Variants in CCDC148 observed in about 807,000 individuals in gnomAD.
The protein encoded by CCDC148 is coiled-coil domain-containing protein 148.
A neutral mutation model predicts 85.7 loss-of-function variants in CCDC148; 89 were observed. The ratio of observed to expected loss-of-function variants is 1.04; its 90% confidence interval spans 0.87 to 1.24. The LOEUF is 1.24. CCDC148 is among the 50% of genes most tolerant of loss of function. The pLI, the probability that CCDC148 is intolerant of heterozygous loss-of-function variation, is 0.00. For synonymous variants in CCDC148, 230 were observed against 213.9 expected (o/e 1.08, Z -0.66); for missense variants, 692 against 671.7 (o/e 1.03, Z -0.33).
intron 2 of CCDC148, among the ~76,000 whole-genome samples, chr2:158,351,519 G>C (rs1269531702): frequency 6.6e-6 from 1 of 151,968 alleles, no homozygotes; most frequent in Non-Finnish European, 1.5e-5. Flanking sequence ...TTTTCCGACC[G>C]GCTTAAAAAC....
chr2:158,413,407 C>G (rs539074947), intron 1 of CCDC148, among the ~76,000 whole-genome samples: 202 of 152,202 alleles, frequency 1.3e-3, no homozygotes, highest in Non-Finnish European at 2.2e-3. Flanking sequence ...GAGGAAATCT[C>G]TTTATAATTT....
chr2:158,284,977 A>G (rs1209333336), intron 9 of CCDC148, among the ~76,000 whole-genome samples: 1 of 152,216 alleles, frequency 6.6e-6, no homozygotes, highest in Non-Finnish European at 1.5e-5. Context: ...TCCAAAACTG[A>G]TAACTGATAT....
chr2:158,377,416 A>G (rs1370108727), intron 1 of CCDC148, among the ~76,000 whole-genome samples: 1 of 152,100 alleles, frequency 6.6e-6, no homozygotes, highest in Non-Finnish European at 1.5e-5. Context: ...TGAAATAGTC[A>G]TTAACATACG....
At chr2:158,354,387 A>G (rs1683505759) in intron 2 of CCDC148, among the ~76,000 whole-genome samples, 1 of 152,164 alleles carries the variant, frequency 6.6e-6, no homozygotes, top group African/African-American at 2.4e-5. Context: ...AAAAAATGAT[A>G]AAGGGGATCT....
Position 158,340,693 on chromosome 2 carries a change from T to A in CCDC148, c.252-13A>T. 7.1e-7 allele frequency: 1 copy of A among 1,417,344 alleles called. No homozygotes were observed. Among genetic ancestry groups the A allele is most frequent in the Non-Finnish European group, 9.8e-7 (1 of 1,022,390 alleles). The allele number at this position is 1,417,344 out of a possible 1,614,324, so 87.8% of individuals were successfully genotyped here. A position where few individuals can be genotyped will look rare whatever the true frequency, so the allele number is the denominator to read the frequency against. ...TTCCATTTTACATCTGAAATAGATG[T>A]GATCTCAATAAATGTTACAATCATA... is the stretch of plus-strand genomic sequence containing the variant. On this transcript the variant is annotated splice_polypyrimidine_tract_variant and intron_variant, in intron 3 of 13. Coordinates refer to ENST00000283233, the MANE Select transcript of CCDC148 (RefSeq NM_138803.4).
chr2:158,245,699 G>C (rs1521862), intron 10 of CCDC148, among the ~76,000 whole-genome samples: 148,706 of 152,256 alleles, frequency 0.98, 72,712 homozygotes, highest in East Asian at 1. Context: ...ATTTAAGCTA[G>C]ACAAAGAGCC....
chr2:158,223,022 C>T (rs3950976), intron 10 of CCDC148, among the ~76,000 whole-genome samples: 77,003 of 151,924 alleles, frequency 0.51, 20,047 homozygotes, highest in East Asian at 0.76. Context: ...CGTGAGGCAT[C>T]GCCTCACCTG....
intron 9 of CCDC148, among the ~76,000 whole-genome samples, chr2:158,268,311 TGTA>T (rs1241976141): frequency 6.6e-6 from 1 of 152,094 alleles, no homozygotes; most frequent in Non-Finnish European, 1.5e-5. Flanking sequence ...TCTTATAGGG[TGTA>T]GTAATATCTT....
intron 2 of CCDC148, among the ~76,000 whole-genome samples, chr2:158,354,700 A>C (rs2105261995): frequency 6.6e-6 from 1 of 152,082 alleles, no homozygotes; most frequent in African/African-American, 2.4e-5. Flanking sequence ...TCAATAGAGA[A>C]AGAGGGAATC....
chr2:158,334,475 C>T (rs60771539), intron 7 of CCDC148, among the ~76,000 whole-genome samples: 9 of 110,134 alleles, frequency 8.2e-5, no homozygotes, highest in Non-Finnish European at 1.5e-4. Context: ...AACTTCTCTG[C>T]GTAACAATTA....
chr2:158,401,822 T>C (rs1486057763), intron 1 of CCDC148, among the ~76,000 whole-genome samples: 1 of 151,834 alleles, frequency 6.6e-6, no homozygotes, highest in African/African-American at 2.4e-5. Context: ...CAAAGGAGAT[T>C]ACGGGGAGAA....
At chr2:158,352,189 G>T (rs12616126) in intron 2 of CCDC148, among the ~76,000 whole-genome samples, 1 of 149,310 alleles carries the variant, frequency 6.7e-6, no homozygotes, top group Non-Finnish European at 1.5e-5. Flanking sequence ...CCAAAGGAAC[G>T]CAGTTCCTCA....
chr2:158,405,505 C>T (rs1389973290), intron 1 of CCDC148, among the ~76,000 whole-genome samples: 1 of 152,070 alleles, frequency 6.6e-6, no homozygotes, highest in Non-Finnish European at 1.5e-5. Context: ...AGACACAAAT[C>T]ACATTTGATC....
chr2:158,305,998 C>T (rs1173685016), intron 9 of CCDC148, among the ~76,000 whole-genome samples: 1 of 152,022 alleles, frequency 6.6e-6, no homozygotes, highest in Non-Finnish European at 1.5e-5. Flanking sequence ...GTGAACAAAG[C>T]CAGACTCAAA....
At chr2:158,239,421 T>C (rs1688254490) in intron 10 of CCDC148, among the ~76,000 whole-genome samples, 2 of 152,096 alleles carry the variant, frequency 1.3e-5, no homozygotes, top group East Asian at 3.9e-4. Context: ...TTTTTATTTT[T>C]ACAAGACAGC....
At chr2:158,368,280 A>G (rs1210456673) in intron 1 of CCDC148, among the ~76,000 whole-genome samples, 1 of 152,160 alleles carries the variant, frequency 6.6e-6, no homozygotes, top group Non-Finnish European at 1.5e-5. Flanking sequence ...ATTTCTAAAA[A>G]TCTGAAAAAC....
chr2:158,305,755 TAAAA>T (rs56227304), intron 9 of CCDC148, among the ~76,000 whole-genome samples: 2 of 87,854 alleles, frequency 2.3e-5, no homozygotes, highest in Non-Finnish European at 4.3e-5. Context: ...CCCTGTCTCT[TAAAA>T]AAAAAAAAAA....
At chr2:158,317,820 G>A (rs1267467692) in intron 7 of CCDC148, among the ~76,000 whole-genome samples, 2 of 152,200 alleles carry the variant, frequency 1.3e-5, no homozygotes, top group African/African-American at 2.4e-5. Context: ...TTTTCTCAGA[G>A]AAAGGGAGCT....
chr2:158,242,691 A>G (rs778364844), intron 10 of CCDC148, among the ~76,000 whole-genome samples: 8 of 148,354 alleles, frequency 5.4e-5, no homozygotes, highest in Non-Finnish European at 8.9e-5. Context: ...TCTGGTAAAT[A>G]CATCCTCTTA....
Sources: allele counts gnomAD v4.1 joint callset (sites outside exome capture counted in the v4.1 genomes callset), GRCh38; gene constraint gnomAD v4.1.1; transcripts MANE v1.5; gene names NCBI Gene and HGNC (gene_info 2026-07-23, HGNC 2026-07-21).